The following NME6 variants were observed in gnomAD, a reference collection of about 807,000 sequenced individuals.
NME6 encodes NME/NM23 nucleoside diphosphate kinase 6, also known as nucleoside diphosphate kinase 6, mitochondrial.
Under a neutral mutation model 22.2 loss-of-function variants are expected in NME6, and 16 were observed. That is an observed-to-expected ratio of 0.72 (90% confidence interval 0.49 to 1.09). The LOEUF (loss-of-function observed/expected upper bound fraction) is 1.09. Ranked by LOEUF, NME6 falls within the 50% of genes least tolerant of loss-of-function variation. NME6 has a pLI of 0.00. For synonymous variants in NME6, 58 were observed against 85.2 expected, an observed-to-expected ratio of 0.68 and a Z score of 1.76; for missense variants, 229 against 239.0, an observed-to-expected ratio of 0.96 and a Z score of 0.28.
intron 1 of NME6, chr3:48,299,266 T>C (rs1322097252): frequency 1.8e-5 from 6 of 334,288 alleles, no homozygotes; most frequent in Non-Finnish European, 2.7e-5. Flanking sequence ...TTCATCTTTG[T>C]ATTCCTAATG....
Position 48,295,059 on chromosome 3 carries a change from T to A in NME6, c.394+16A>T. On this transcript the variant is annotated intron_variant, in intron 5 of 5. Transcript: ENST00000442597. Reference sequence around the variant, plus strand: ...CTAACCCCAAAATATCCTATGGCTATGGACAGGGGACTCACCCGAACCATG... The same window carrying A: ...CTAACCCCAAAATATCCTATGGCTAAGGACAGGGGACTCACCCGAACCATG... 6.2e-7 allele frequency: 1 copy of A among 1,612,136 alleles called. No homozygotes were observed. Among genetic ancestry groups the A allele is most frequent in the Non-Finnish European group, 8.5e-7 (1 of 1,178,734 alleles).
chr3:48,300,478 G>C (rs2035575527), intron 1 of NME6: 2 of 390,174 alleles, frequency 5.1e-6, no homozygotes, highest in Non-Finnish European at 5.0e-6. Context: ...ACAGCTCCTT[G>C]CAAGTTCCCT....
chr3:48,289,139 A>G (rs957128806), downstream of NME6, among the ~76,000 whole-genome samples: 8 of 151,682 alleles, frequency 5.3e-5, no homozygotes, highest in Admixed American at 1.3e-4. Context: ...ATCTCAGCTC[A>G]CCGCAACCTC....
rs759861006 is a variant in NME6, at chr3:48,301,342, T to A, written c.-8+11A>T. The A allele has an allele frequency of 6.4e-7, 1 of 1,572,732 alleles. No individual in the cohort carries two copies. ...AGCCCCAGTGCAGCAGAAGTCCGGC[T>A]GCGGGTTCACCTTGTCCTCCGGCAC... On this transcript the variant is annotated intron_variant, in intron 1 of 5. Transcript: ENST00000442597.
intron 4 of NME6, 44 bp from the exon 5 acceptor site, chr3:48,295,279 C>T (rs1203045704): frequency 6.3e-7 from 1 of 1,575,490 alleles, no homozygotes; most frequent in Non-Finnish European, 8.6e-7. Context: ...GCCATCTAGA[C>T]TAGGAGGGTG....
intron 2 of NME6, chr3:48,297,607 C>T (rs2035253002): frequency 6.6e-6 from 1 of 152,260 alleles, no homozygotes. Flanking sequence ...GAATATGATG[C>T]AATATGATTA....
chr3:48,298,898 A>G (rs1195618326), intron 1 of NME6: 1 of 698,022 alleles, frequency 1.4e-6, no homozygotes, highest in South Asian at 1.5e-5. Flanking sequence ...TAAACAGCCT[A>G]TCCACAAGGC....
intron 1 of NME6, chr3:48,300,684 C>T (rs748689906): frequency 9.0e-6 from 2 of 222,500 alleles, no homozygotes; most frequent in Non-Finnish European, 1.8e-5. Context: ...TTGTGGCTGT[C>T]TTGACTCTTG....
chr3:48,298,597 C>G (rs2035373966), intron 1 of NME6, 74 bp from the exon 2 acceptor site: 1 of 1,075,184 alleles, frequency 9.3e-7, no homozygotes, highest in Non-Finnish European at 1.3e-6. Flanking sequence ...AGCCACGCAG[C>G]CTTGCAAGCC....
At chr3:48,287,972 A>T (rs2034256194), downstream of NME6, among the ~76,000 whole-genome samples, 1 of 152,136 alleles carries the variant, frequency 6.6e-6, no homozygotes, top group East Asian at 1.9e-4. Flanking sequence ...GAATACATGA[A>T]TATATCTAGG....
At position 48,294,045 on chromosome 3, in the gene NME6, G is replaced by A. The variant is rs1293749633; in HGVS notation, c.*592C>T. On this transcript the variant is annotated 3_prime_UTR_variant, in exon 6 of 6. Coordinates refer to ENST00000442597, the MANE Select transcript of NME6 (RefSeq NM_001308426.2). ...AGGAAGACAGGTCAAATGTTGTTTG[G>A]AGTCACTGCATTTTTTAGGCAAGTC... 1 of 151,842 alleles carries A rather than the reference G, an allele frequency of 6.6e-6. No homozygotes were observed. Among genetic ancestry groups the A allele is most frequent in the African/African-American group, 2.4e-5 (1 of 41,342 alleles). The allele number at this position is 151,842 out of a possible 1,614,324, so 9.4% of individuals were successfully genotyped here. A position where few individuals can be genotyped will look rare whatever the true frequency, so the allele number is the denominator to read the frequency against.
chr3:48,301,270 C>A, intron 1 of NME6, 83 bp downstream of exon 1: 1 of 1,595,684 alleles, frequency 6.3e-7, no homozygotes, highest in Non-Finnish European at 8.5e-7. Context: ...CAGCCCTCAC[C>A]CCTCGTACCC....
chr3:48,301,356 G>C lies in NME6; in HGVS notation c.-11C>G. The C allele has an allele frequency of 6.4e-7, 1 of 1,563,288 alleles. No individual in the cohort carries two copies. The highest frequency in any genetic ancestry group is 8.7e-7 in the Non-Finnish European group (1 of 1,153,824). ...AGAAGTCCGGCTGCGGGTTCACCTT[G>C]TCCTCCGGCACAGGGCCCGGCCACC... On this transcript the variant is annotated 5_prime_UTR_variant, in exon 1 of 6. Transcript: ENST00000442597.
chr3:48,298,480 G>A lies in NME6; in HGVS notation c.37C>T (p.Leu13Phe), dbSNP rs190676458. ...SILRSPQALQ[L>F]TLALIKPDAV... ...TCAGGCTTGATCAGGGCTAGAGTGA[G>A]CTGGAGAGCCTGAGGGCTTCGCAAG... The change falls in exon 2 of 6, where the codon CTC becomes TTC. Residue 13 changes from leucine (L) to phenylalanine (F), a missense_variant. Physicochemically the swap from Leu to Phe is conservative, Grantham distance 22 (BLOSUM62 0). Coordinates refer to ENST00000442597, the MANE Select transcript of NME6 (RefSeq NM_001308426.2). The A allele has an allele frequency of 4.3e-6, 7 of 1,612,672 alleles. No homozygotes were observed. The East Asian group carries it at 1.1e-4, about 26-fold the overall frequency.
In NME6 at chr3:48,298,512, G is replaced by A; in HGVS notation, c.5C>T (p.Ala2Val). Reference sequence around the variant, plus strand: ...AGCCTGAGGGCTTCGCAAGATTGAGGCCATCTCACTCCTGCCATTAGAGAG... The same window carrying A: ...AGCCTGAGGGCTTCGCAAGATTGAGACCATCTCACTCCTGCCATTAGAGAG... M[A>V]SILRSPQALQ... is the part of the protein sequence containing the mutation. Residue 2 changes from alanine to valine, a missense_variant, in exon 2 of 6, where the codon GCC becomes GTC. By Grantham distance (64) the Ala-to-Val change is moderately conservative (BLOSUM62 0). Coordinates refer to ENST00000442597, the MANE Select transcript of NME6 (RefSeq NM_001308426.2). The A allele has an allele frequency of 1.9e-6, 3 of 1,603,550 alleles. No homozygotes were observed. Among genetic ancestry groups the A allele is most frequent in the Non-Finnish European group, 2.6e-6 (3 of 1,175,154 alleles).
At chr3:48,294,889 T>C (rs1317295604) in intron 5 of NME6, 86 bp from the exon 6 acceptor site, 2 of 1,476,234 alleles carry the variant, frequency 1.4e-6, no homozygotes, top group African/African-American at 2.8e-5. Flanking sequence ...CCTGAGCCTC[T>C]ACTCTGCCTG....
rs1459188499 is a variant in NME6 at position 48,298,383 on chromosome 3, G to T, written c.90+44C>A. On this transcript the variant is annotated intron_variant, in intron 2 of 5. Transcript: ENST00000442597. ...TGGCCCAATGGCACCTGAAGCAGTAGCAATTCCCAGGGCATGCGGTAGAGA... is the reference window on the plus strand; with the variant it reads ...TGGCCCAATGGCACCTGAAGCAGTATCAATTCCCAGGGCATGCGGTAGAGA... The T allele has an allele frequency of 2.6e-6, 4 of 1,540,472 alleles. No individual in the cohort carries two copies. The East Asian group carries it at 6.7e-5, about 26-fold the overall frequency.
chr3:48,298,893 A>G, intron 1 of NME6: 1 of 695,958 alleles, frequency 1.4e-6, no homozygotes, highest in South Asian at 1.5e-5. Flanking sequence ...ACTCCTAAAC[A>G]GCCTATCCAC....
Position 48,296,746 on chromosome 3 carries a change from C to G in NME6, c.174G>C (p.Arg58Ser). 1 of 1,613,274 alleles carries G rather than the reference C, an allele frequency of 6.2e-7. No homozygotes were observed. Among genetic ancestry groups the G allele is most frequent in the Non-Finnish European group, 8.5e-7 (1 of 1,179,662 alleles). ...TCCTACCTTCATGCTCTCGGTAAAA[C>G]CTCTGGCAATCTTCCTTTCTCCACA... Reference protein sequence around the residue: ...ELLWRKEDCQRFYREHEGRFF... With the variant: ...ELLWRKEDCQSFYREHEGRFF... The change falls in exon 3 of 6, where the codon AGG becomes AGC. Residue 58 changes from arginine to serine, a missense_variant. Physicochemically the swap from Arg to Ser is moderately radical, Grantham distance 110 (BLOSUM62 -1). Coordinates refer to ENST00000442597, the MANE Select transcript of NME6 (RefSeq NM_001308426.2).
Sources: allele counts gnomAD v4.1 joint callset (sites outside exome capture counted in the v4.1 genomes callset), GRCh38; gene constraint gnomAD v4.1.1; transcripts MANE v1.5; gene names NCBI Gene and HGNC (gene_info 2026-07-23, HGNC 2026-07-21).